Variants in OSBP observed in about 807,000 individuals in gnomAD.
OSBP encodes oxysterol binding protein.
In OSBP, 32 loss-of-function variants were observed where a neutral mutation model predicts 96.6. The ratio of observed to expected loss-of-function variants is 0.33; its 90% CI spans 0.25 to 0.45. The LOEUF (loss-of-function observed/expected upper bound fraction) is 0.45, where lower values mean the gene tolerates loss of function less well. Among genes scored for constraint, OSBP ranks in the 20% least tolerant of loss-of-function variants. The pLI is 1.00. For missense variants in OSBP, 653 were observed against 1,029.7 expected (o/e 0.63, Z 5.01); for synonymous variants, 369 against 389.6 (o/e 0.95, Z 0.62).
At chr11:59,614,266 GT>G (rs1259547549) in intron 1 of OSBP, among the ~76,000 whole-genome samples, 1 of 152,184 alleles carries the variant, frequency 6.6e-6, no homozygotes, top group African/African-American at 2.4e-5. Flanking sequence ...CCTTGGGAAA[GT>G]TGCCCATGCT....
chr11:59,589,864 TC>T (rs1399293272), intron 9 of OSBP, among the ~76,000 whole-genome samples: 1 of 151,792 alleles, frequency 6.6e-6, no homozygotes. Flanking sequence ...GCACCTGTAA[TC>T]CCAGCTACTC....
In OSBP at chr11:59,577,010, G is replaced by A. The variant is rs1283293748; in HGVS notation, c.2076C>T (p.Asn692=). Residue 692 remains asparagine (N), a synonymous_variant, in exon 13 of 14, where the codon AAC becomes AAT. Coordinates refer to ENST00000263847, the MANE Select transcript of OSBP (RefSeq NM_002556.3). ...KRNPLPKNAE[N]MYYFSELALT... is the part of the protein sequence containing the mutation. ...GAGCAAGCTCTGAGAAGTAGTACAT[G>A]TTTTCTGCATTCTTCCTAAAAGTAG... The A allele has an allele frequency of 1.9e-6, 3 of 1,612,630 alleles. No homozygotes were observed. The East Asian group carries it at 6.7e-5, about 36-fold the overall frequency.
chr11:59,582,466 A>T (rs2134653532), intron 9 of OSBP, among the ~76,000 whole-genome samples: 1 of 152,324 alleles, frequency 6.6e-6, no homozygotes, highest in African/African-American at 2.4e-5. Context: ...GACAGGGCAC[A>T]ATGCTCTGTG....
intron 11 of OSBP, among the ~76,000 whole-genome samples, chr11:59,579,836 C>G (rs966033180): frequency 2.0e-5 from 3 of 151,894 alleles, no homozygotes; most frequent in African/African-American, 7.3e-5. Context: ...CTGCCTCACC[C>G]GAGTAGCTGG....
chr11:59,615,773 C>T lies in OSBP; in HGVS notation c.-109G>A. On this transcript the variant is annotated 5_prime_UTR_variant, in exon 1 of 14. Transcript: ENST00000263847. ...CATCAGCCACCGCCGCGCAGCGTCC[C>T]CGCCCCGCCCGGCCAGCCGCGGGGA... The T allele has an allele frequency of 8.3e-7, 1 of 1,207,998 alleles. No individual in the cohort carries two copies. The highest frequency in any genetic ancestry group is 1.0e-6 in the Non-Finnish European group (1 of 971,548). 74.8% of individuals were successfully genotyped at this position (1,207,998 alleles called of 1,614,324 possible).
intron 9 of OSBP, among the ~76,000 whole-genome samples, chr11:59,583,184 C>T (rs1402236256): frequency 2.6e-5 from 4 of 151,864 alleles, no homozygotes; most frequent in Non-Finnish European, 5.9e-5. Flanking sequence ...TGGTGGTGTG[C>T]GCCTGTAATC....
At chr11:59,598,406 C>T (rs1358839261) in intron 7 of OSBP, among the ~76,000 whole-genome samples, 2 of 152,146 alleles carry the variant, frequency 1.3e-5, no homozygotes, top group African/African-American at 4.8e-5. Context: ...TGTAGCCACT[C>T]GCCCATCCCC....
intron 3 of OSBP, among the ~76,000 whole-genome samples, chr11:59,607,574 G>GA (rs982814035): frequency 8.7e-5 from 13 of 148,956 alleles, no homozygotes; most frequent in Admixed American, 2.0e-4. Context: ...ATTTAATTAG[G>GA]AAAAAAAAAA....
chr11:59,597,572 T>C (rs1860674605), intron 7 of OSBP, among the ~76,000 whole-genome samples: 1 of 150,860 alleles, frequency 6.6e-6, no homozygotes. Flanking sequence ...GACAGGGTCT[T>C]GCTCTCACCC....
chr11:59,608,334 G>T, intron 3 of OSBP, 150 bp downstream of exon 3: 2 of 907,920 alleles, frequency 2.2e-6, no homozygotes, highest in Non-Finnish European at 1.7e-6. Flanking sequence ...TCTATTTCAT[G>T]CAGTAAACAA....
intron 7 of OSBP, among the ~76,000 whole-genome samples, chr11:59,594,626 G>A (rs1364291376): frequency 1.3e-5 from 2 of 152,196 alleles, no homozygotes; most frequent in African/African-American, 4.8e-5. Flanking sequence ...TACCCAGAGA[G>A]GAAATCAGGT....
At chr11:59,608,979 T>TG (rs1358766682) in intron 2 of OSBP, among the ~76,000 whole-genome samples, 1 of 152,142 alleles carries the variant, frequency 6.6e-6, no homozygotes, top group Admixed American at 6.5e-5. Flanking sequence ...TCAATTTAGC[T>TG]GGTGTGAGGC....
At chr11:59,598,662 T>C (rs1445292573) in intron 7 of OSBP, among the ~76,000 whole-genome samples, 1 of 152,198 alleles carries the variant, frequency 6.6e-6, no homozygotes, top group Non-Finnish European at 1.5e-5. Context: ...CGATCTCAGC[T>C]CACTGCAACC....
chr11:59,580,094 T>TA, intron 11 of OSBP, 80 bp downstream of exon 11: 2 of 914,116 alleles, frequency 2.2e-6, no homozygotes, highest in South Asian at 2.6e-5. Context: ...CCCACATGTA[T>TA]ATACATTCCA....
At chr11:59,585,596 G>A (rs1205502589) in intron 9 of OSBP, among the ~76,000 whole-genome samples, 6 of 151,848 alleles carry the variant, frequency 4.0e-5, no homozygotes, top group South Asian at 2.1e-4. Context: ...GGTGAGGGGC[G>A]CCTCTGCCCA....
intron 3 of OSBP, among the ~76,000 whole-genome samples, chr11:59,603,529 G>GTTTTTTTT (rs370609645): frequency 4.6e-5 from 4 of 86,766 alleles, no homozygotes; most frequent in East Asian, 4.2e-4. Context: ...ATCACCTTCA[G>GTTTTTTTT]TTTTTTTTTT....
At chr11:59,584,174 T>C (rs1338338507) in intron 9 of OSBP, among the ~76,000 whole-genome samples, 2 of 152,036 alleles carry the variant, frequency 1.3e-5, no homozygotes, top group African/African-American at 2.4e-5. Context: ...CTTGAACTCC[T>C]GGGCTCAGGC....
Position 59,576,136 on chromosome 11 carries a change from T to A in OSBP, c.*441A>T, listed in dbSNP as rs1009929779. The A allele has an allele frequency of 6.1e-6, 1 of 164,254 alleles. No individual in the cohort carries two copies. The highest frequency in any genetic ancestry group is 2.4e-5 in the African/African-American group (1 of 41,602). 10.2% of individuals were successfully genotyped at this position (164,254 alleles called of 1,614,324 possible). ...CCTCCATTGGTAAGTCTTATGTGTT[T>A]CTTTTTAAGGGAACTTCTAAATTCG... is the stretch of plus-strand genomic sequence containing the variant. On this transcript the variant is annotated 3_prime_UTR_variant, in exon 14 of 14. Coordinates refer to ENST00000263847, the MANE Select transcript of OSBP (RefSeq NM_002556.3).
rs1226931452 is a variant in OSBP at position 59,577,040 on chromosome 11, C to T, written c.2061-15G>A. The T allele has an allele frequency of 6.2e-7, 1 of 1,603,052 alleles. No homozygotes were observed. The highest frequency in any genetic ancestry group is 8.5e-7 in the Non-Finnish European group (1 of 1,174,646). ...CTGCATTCTTCCTAAAAGTAGAAGACAAGAAAAAGAAATGGTAATCCCAGA... is the reference window on the plus strand; with the variant it reads ...CTGCATTCTTCCTAAAAGTAGAAGATAAGAAAAAGAAATGGTAATCCCAGA... On this transcript the variant is annotated splice_polypyrimidine_tract_variant and intron_variant, in intron 12 of 13. Coordinates refer to ENST00000263847, the MANE Select transcript of OSBP (RefSeq NM_002556.3).
Sources: gnomAD v4.1 joint callset for allele counts (sites outside exome capture counted in the v4.1 genomes callset) on GRCh38, gnomAD v4.1.1 for gene constraint, MANE v1.5 for transcripts, NCBI Gene and HGNC (gene_info 2026-07-23, HGNC 2026-07-21) for gene names.